Variants in SPTBN1 observed in about 807,000 individuals in gnomAD.
SPTBN1 encodes spectrin beta, non-erythrocytic 1.
A neutral mutation model predicts 266.4 loss-of-function variants in SPTBN1; 32 were observed. The observed-to-expected ratio is 0.12, with a 90% CI of 0.09 to 0.16. SPTBN1 has a LOEUF of 0.16. Ranked by LOEUF, SPTBN1 falls within the 10% of genes least tolerant of loss-of-function variation. SPTBN1 has a pLI of 1.00. For synonymous variants in SPTBN1, 1,336 were observed against 1,162.2 expected, an observed-to-expected ratio of 1.15 and a Z score of -3.04; for missense variants, 2,296 against 3,067.1, an observed-to-expected ratio of 0.75 and a Z score of 5.94.
At chr2:54,506,796 A>G (rs1022138269) in intron 1 of SPTBN1, among the ~76,000 whole-genome samples, 15 of 152,172 alleles carry the variant, frequency 9.9e-5, no homozygotes, top group African/African-American at 3.6e-4. Context: ...ACAACAAACC[A>G]GTAGGAACAT....
chr2:54,657,725 A>T, intron 29 of SPTBN1, 125 bp from the exon 30 acceptor site: 1 of 1,136,750 alleles, frequency 8.8e-7, no homozygotes, highest in Non-Finnish European at 1.3e-6. Flanking sequence ...GGGCTAATTT[A>T]GAGTAGACGA....
At chr2:54,610,832 A>G (rs776879293) in intron 3 of SPTBN1, among the ~76,000 whole-genome samples, 24 of 152,214 alleles carry the variant, frequency 1.6e-4, no homozygotes, top group Non-Finnish European at 3.5e-4. Context: ...ATATTAGTCA[A>G]GGTTTACAGT....
At position 54,629,814 on chromosome 2, in the gene SPTBN1, C is replaced by A. The variant is rs10195423; in HGVS notation, c.2669+11C>A. ...GGTCATCCAGCACAGGTGAGCGGGG[C>A]GCTGGTCAGCCACTGGCCTGTTCCT... On this transcript the variant is annotated intron_variant, in intron 14 of 35. Coordinates refer to ENST00000356805, the MANE Select transcript of SPTBN1 (RefSeq NM_003128.3). 5.0e-6 allele frequency: 8 copies of A among 1,609,150 alleles called. No individual in the cohort carries two copies. The highest frequency in any genetic ancestry group is 1.6e-4 in the Middle Eastern group (1 of 6,072).
chr2:54,607,913 T>C (rs1295839505), intron 3 of SPTBN1, among the ~76,000 whole-genome samples: 1 of 152,226 alleles, frequency 6.6e-6, no homozygotes, highest in Non-Finnish European at 1.5e-5. Flanking sequence ...AATCTGAGAC[T>C]GGACAGACTT....
chr2:54,507,093 A>G (rs1264198028), intron 1 of SPTBN1, among the ~76,000 whole-genome samples: 1 of 152,110 alleles, frequency 6.6e-6, no homozygotes, highest in African/African-American at 2.4e-5. Flanking sequence ...GGGAGATTAT[A>G]TAGAACCTTC....
At position 54,629,049 on chromosome 2, in the gene SPTBN1, C is replaced by A. The variant is rs781186461; in HGVS notation, c.1915C>A (p.Arg639Ser). 1 of 1,613,826 alleles carries A rather than the reference C, an allele frequency of 6.2e-7. No individual in the cohort carries two copies. The highest frequency in any genetic ancestry group is 8.5e-7 in the Non-Finnish European group (1 of 1,180,030). ...CAGGGCCCGTCTGGAAGAGTCCCGC[C>A]GCCTCTGGAAGTTCTTCTGGGAGAT... ...ERRARLEESR[R>S]LWKFFWEMAE... is the part of the protein sequence containing the mutation. The change falls in exon 14 of 36, where the codon CGC becomes AGC. Residue 639 changes from arginine (R) to serine (S), a missense_variant. Around this residue, in one of 12 missense-constraint regions of SPTBN1, gnomAD observed 434 missense variants for 573.9 expected, o/e 0.76. Transcript: ENST00000356805.
At chr2:54,473,436 G>T (rs1371767485) in intron 1 of SPTBN1, among the ~76,000 whole-genome samples, 2 of 151,946 alleles carry the variant, frequency 1.3e-5, no homozygotes, top group African/African-American at 4.8e-5. Context: ...TCTTTATTGA[G>T]CCTATGACTT....
chr2:54,457,153 G>GCCCCACCCCCCCCCCCGCCCCAC (rs1553425453), intron 1 of SPTBN1: 1 of 49,690 alleles, frequency 2.0e-5, no homozygotes, highest in African/African-American at 9.3e-5. Context: ...TCGTGCGCCC[G>GCCCCACCCCCCCCCCCGCCCCAC]CCCCCCCCCC....
intron 2 of SPTBN1, among the ~76,000 whole-genome samples, chr2:54,535,567 TGTATCA>T (rs1271245636): frequency 6.6e-6 from 1 of 152,278 alleles, no homozygotes; most frequent in Non-Finnish European, 1.5e-5. Context: ...TGCTGTAGCA[TGTATCA>T]GTACCTTATT....
At chr2:54,463,575 C>T (rs1420173971) in intron 1 of SPTBN1, among the ~76,000 whole-genome samples, 1 of 152,218 alleles carries the variant, frequency 6.6e-6, no homozygotes, top group Non-Finnish European at 1.5e-5. Context: ...TCAACATCTT[C>T]ATCTGTAAAA....
At chr2:54,667,516 A>T in intron 34 of SPTBN1, 88 bp from the exon 35 acceptor site, 1 of 1,286,992 alleles carries the variant, frequency 7.8e-7, no homozygotes, top group Non-Finnish European at 1.1e-6. Flanking sequence ...CCTGTGGTCT[A>T]CTTCTGTCCT....
intron 35 of SPTBN1, 133 bp downstream of exon 35, chr2:54,667,779 C>CTTCT: frequency 1.3e-6 from 1 of 775,890 alleles, no homozygotes; most frequent in Non-Finnish European, 2.2e-6. Flanking sequence ...CTCCAGTCAC[C>CTTCT]AGCACTAGAA....
intron 2 of SPTBN1, among the ~76,000 whole-genome samples, chr2:54,535,454 G>GCCATA (rs1436344629): frequency 1.7e-4 from 26 of 152,132 alleles, no homozygotes; most frequent in African/African-American, 6.3e-4. Flanking sequence ...AGACCCTATG[G>GCCATA]ATTTGCCTAT....
intron 4 of SPTBN1, among the ~76,000 whole-genome samples, chr2:54,615,963 C>T (rs1330555707): frequency 1.3e-5 from 2 of 152,190 alleles, no homozygotes; most frequent in African/African-American, 4.8e-5. Context: ...GTAAAAATGA[C>T]CTCTGATAGG....
chr2:54,647,123 C>T lies in SPTBN1; in HGVS notation c.4867-8C>T, dbSNP rs1409281626. 1 of 1,614,056 alleles carries T rather than the reference C, an allele frequency of 6.2e-7. No homozygotes were observed. The highest frequency in any genetic ancestry group is 8.5e-7 in the Non-Finnish European group (1 of 1,180,040). ...CGCTATGGTTGTGATGTTCTCCTGT[C>T]TTTGCAGGATGAGCAGAGTGCTGTC... is the stretch of plus-strand genomic sequence containing the variant. On this transcript the variant is annotated splice_polypyrimidine_tract_variant and splice_region_variant and intron_variant, in intron 23 of 35. Coordinates refer to ENST00000356805, the MANE Select transcript of SPTBN1 (RefSeq NM_003128.3).
chr2:54,512,247 T>A (rs934319234), intron 1 of SPTBN1, among the ~76,000 whole-genome samples: 2 of 152,226 alleles, frequency 1.3e-5, no homozygotes, highest in Admixed American at 6.5e-5. Flanking sequence ...ATGATAATTA[T>A]TTGAATGTTT....
At chr2:54,613,270 C>T (rs957564818) in intron 4 of SPTBN1, among the ~76,000 whole-genome samples, 2 of 151,984 alleles carry the variant, frequency 1.3e-5, no homozygotes, top group African/African-American at 4.8e-5. Context: ...ACTGTGTTCT[C>T]TTGCCATTCC....
chr2:54,510,734 C>A lies in SPTBN1; in HGVS notation c.-47-15638C>A, dbSNP rs374652837. Among the ~76,000 whole-genome samples the A allele has an allele frequency of 2.9e-4, 44 of 152,290 alleles. No individual in the cohort carries two copies. The South Asian group carries it at 8.9e-3, about 31-fold the overall frequency. ...TGGTCAAGTAAGTAGTTGAAAAATG[C>A]AGTTTCAAAAATCACATCACCAGGG... On this transcript the variant is annotated intron_variant, in intron 1 of 35. Transcript: ENST00000356805.
intron 2 of SPTBN1, among the ~76,000 whole-genome samples, chr2:54,532,411 T>C (rs1451407345): frequency 6.6e-6 from 1 of 152,268 alleles, no homozygotes; most frequent in Non-Finnish European, 1.5e-5. Flanking sequence ...TGAAAAGTTA[T>C]TAATGAGACA....
Sources: allele counts gnomAD v4.1 joint callset (sites outside exome capture counted in the v4.1 genomes callset), GRCh38; gene constraint gnomAD v4.1.1; regional missense constraint gnomAD v4.1.1; transcripts MANE v1.5; gene names NCBI Gene and HGNC (gene_info 2026-07-23, HGNC 2026-07-21).